BNC2: variants seen among roughly 807,000 people sequenced by gnomAD.
BNC2 encodes the protein zinc finger protein basonuclin-2.
In BNC2, 20 loss-of-function variants were observed where a neutral mutation model predicts 76.3. The ratio of observed to expected loss-of-function variants is 0.26; its 90% CI spans 0.18 to 0.38. The LOEUF (loss-of-function observed/expected upper bound fraction) is 0.38. Among genes scored for constraint, BNC2 ranks in the 10% least tolerant of loss-of-function variants. BNC2 has a pLI of 1.00. For missense variants in BNC2, 1,382 were observed against 1,399.8 expected (o/e 0.99, Z 0.20); for synonymous variants, 582 against 514.8 (o/e 1.13, Z -1.77).
At chr9:16,757,528 G>C (rs1036696876) in intron 1 of BNC2, among the ~76,000 whole-genome samples, 2 of 152,136 alleles carry the variant, frequency 1.3e-5, no homozygotes, top group African/African-American at 2.4e-5. Flanking sequence ...CAAAAGTTTG[G>C]AGATACTTCT....
intron 1 of BNC2, among the ~76,000 whole-genome samples, chr9:16,777,880 C>T (rs868669828): frequency 2.6e-5 from 4 of 151,808 alleles, no homozygotes; most frequent in South Asian, 4.2e-4. Flanking sequence ...TCTCTGAGAC[C>T]GGAAAAAAAT....
intron 3 of BNC2, among the ~76,000 whole-genome samples, chr9:16,613,764 T>C (rs553850275): frequency 1.7e-4 from 26 of 152,314 alleles, no homozygotes; most frequent in African/African-American, 5.5e-4. Flanking sequence ...CAGCAGACTA[T>C]GACAATTCCC....
chr9:16,422,438 C>A (rs1252224146), intron 6 of BNC2, among the ~76,000 whole-genome samples: 3 of 152,206 alleles, frequency 2.0e-5, no homozygotes, highest in Non-Finnish European at 2.9e-5. Context: ...CATGGCAGTG[C>A]ATTAGCTCTG....
intron 3 of BNC2, among the ~76,000 whole-genome samples, chr9:16,604,105 C>A (rs762151070): frequency 2.6e-4 from 40 of 152,140 alleles, no homozygotes; most frequent in Non-Finnish European, 5.1e-4. Context: ...CAATTCTCTT[C>A]GTATTGTTCT....
intron 3 of BNC2, among the ~76,000 whole-genome samples, chr9:16,691,216 C>T (rs1210059414): frequency 6.6e-6 from 1 of 152,124 alleles, no homozygotes; most frequent in Non-Finnish European, 1.5e-5. Flanking sequence ...TATTAATTCC[C>T]ACATCAGACA....
chr9:16,586,156 G>C (rs1023131566), intron 3 of BNC2, among the ~76,000 whole-genome samples: 1 of 151,764 alleles, frequency 6.6e-6, no homozygotes, highest in Non-Finnish European at 1.5e-5. Context: ...CATACAGCTT[G>C]GTCTTGTTCC....
At position 16,855,134 on chromosome 9, in the gene BNC2, CGTGT is replaced by C. The variant is rs35273850; in HGVS notation, c.3+15508_3+15511del. On this transcript the variant is annotated intron_variant, in intron 1 of 6. Transcript: ENST00000380672. ...TACAGATACATACATGTTCACATGG[CGTGT>C]GTGTGTGTGTGTGTGATCTCCACTC... 6.0e-5 allele frequency among the ~76,000 whole-genome samples: 9 copies of C among 149,968 alleles called. No individual in the cohort carries two copies. The East Asian group carries it at 1.6e-3, about 26-fold the overall frequency.
chr9:16,854,423 A>AT (rs1326682120), intron 1 of BNC2, among the ~76,000 whole-genome samples: 1 of 152,214 alleles, frequency 6.6e-6, no homozygotes, highest in Non-Finnish European at 1.5e-5. Context: ...CTCCCTCTTG[A>AT]TTTCTAGAGC....
chr9:16,468,549 C>G (rs531908145), intron 5 of BNC2, among the ~76,000 whole-genome samples: 21 of 152,142 alleles, frequency 1.4e-4, no homozygotes, highest in Admixed American at 5.2e-4. Context: ...GCGTGCACCA[C>G]CACGCCTGGC....
At chr9:16,609,015 C>T (rs1446207642) in intron 3 of BNC2, among the ~76,000 whole-genome samples, 5 of 152,156 alleles carry the variant, frequency 3.3e-5, no homozygotes, top group African/African-American at 1.2e-4. Flanking sequence ...TGGGATTTTT[C>T]TGTGTTTCTT....
intron 1 of BNC2, among the ~76,000 whole-genome samples, chr9:16,804,082 G>A: frequency 6.6e-6 from 1 of 152,198 alleles, no homozygotes; most frequent in East Asian, 1.9e-4. Context: ...CCACGCTAAA[G>A]AAAATGATGT....
rs112382670 is a variant in BNC2, at chr9:16,549,225, T to G, written c.669+3305A>C. On this transcript the variant is annotated intron_variant, in intron 5 of 6. Coordinates refer to ENST00000380672, the MANE Select transcript of BNC2 (RefSeq NM_017637.6). The stretch of plus-strand genomic sequence containing the variant: ...TGTGTACACATAAAGGATGCAGGCT[T>G]TGTCCCACAGAGAGTTAAATTAATA... 4.4e-4 allele frequency among the ~76,000 whole-genome samples: 67 copies of G among 152,326 alleles called. 1 individual carries two copies. The highest frequency in any genetic ancestry group is 1.3e-3 in the African/African-American group (56 of 41,574).
intron 1 of BNC2, among the ~76,000 whole-genome samples, chr9:16,840,263 T>A (rs1818795235): frequency 6.6e-6 from 1 of 152,210 alleles, no homozygotes; most frequent in African/African-American, 2.4e-5. Flanking sequence ...CTCTGTGTCC[T>A]GATCATTTAA....
rs1386613509 is a variant in BNC2 at position 16,847,405 on chromosome 9, G to C, written c.3+23241C>G. On this transcript the variant is annotated intron_variant, in intron 1 of 6. Coordinates refer to ENST00000380672, the MANE Select transcript of BNC2 (RefSeq NM_017637.6). ...CTCTCTGAAGATTTCTCGGGGCGGG[G>C]GGGGGGGGGCGGCGGGCAACAACCC... 8.2e-5 allele frequency among the ~76,000 whole-genome samples: 5 copies of C among 61,206 alleles called. 2 individuals are homozygous for C. Among genetic ancestry groups the C allele is most frequent in the Admixed American group, 3.5e-4 (2 of 5,734 alleles). The allele number at this position is 61,206 out of a possible 152,430, so 40.2% of individuals were successfully genotyped here. A position where few individuals can be genotyped will look rare whatever the true frequency, so the allele number is the denominator to read the frequency against.
chr9:16,520,995 C>T (rs1817599081), intron 5 of BNC2, among the ~76,000 whole-genome samples: 1 of 152,190 alleles, frequency 6.6e-6, no homozygotes, highest in Non-Finnish European at 1.5e-5. Context: ...CATCAATTTA[C>T]ATGGGTTTAC....
chr9:16,870,341 T>C (rs1194796996), intron 1 of BNC2, among the ~76,000 whole-genome samples: 3 of 148,878 alleles, frequency 2.0e-5, no homozygotes, highest in African/African-American at 7.5e-5. Flanking sequence ...AGCCAGCCGC[T>C]CACCTTCGCG....
At chr9:16,468,915 T>G (rs1255081116) in intron 5 of BNC2, among the ~76,000 whole-genome samples, 19 of 152,286 alleles carry the variant, frequency 1.2e-4, no homozygotes, top group Non-Finnish European at 1.5e-5. Context: ...ATTGCAATTG[T>G]CAGTTTGCAT....
chr9:16,744,121 C>T (rs1587372560), intron 1 of BNC2, among the ~76,000 whole-genome samples: 2 of 152,096 alleles, frequency 1.3e-5, no homozygotes, highest in East Asian at 1.9e-4. Context: ...CGCCTGCCAC[C>T]ACGCCCGGCT....
intron 3 of BNC2, among the ~76,000 whole-genome samples, chr9:16,601,509 T>G (rs1820243535): frequency 6.6e-6 from 1 of 152,158 alleles, no homozygotes; most frequent in African/African-American, 2.4e-5. Context: ...GTAAGCAGTT[T>G]CCTGAGGAGG....
Sources: gnomAD v4.1 joint callset for allele counts (sites outside exome capture counted in the v4.1 genomes callset) on GRCh38, gnomAD v4.1.1 for gene constraint, MANE v1.5 for transcripts, NCBI Gene and HGNC (gene_info 2026-07-23, HGNC 2026-07-21) for gene names.